SHE: variants seen among roughly 807,000 people sequenced by gnomAD.
SHE encodes Src homology 2 domain containing E.
In SHE, 11 loss-of-function variants were observed where a neutral mutation model predicts 49.8. The observed-to-expected ratio is 0.22, with a 90% CI of 0.14 to 0.37. SHE has a LOEUF of 0.37. SHE is among the 10% of genes least tolerant of loss of function. The pLI is 1.00. For synonymous variants in SHE, 310 were observed against 278.1 expected (o/e 1.11, Z -1.14); for missense variants, 624 against 655.5 (o/e 0.95, Z 0.52).
intron 3 of SHE, among the ~76,000 whole-genome samples, chr1:154,488,714 C>T (rs1464928574): frequency 6.6e-6 from 1 of 152,086 alleles, no homozygotes; most frequent in Non-Finnish European, 1.5e-5. Flanking sequence ...AGGCTGCCCA[C>T]TAGCTGGGAT....
intron 2 of SHE, among the ~76,000 whole-genome samples, chr1:154,493,687 A>T (rs1447597939): frequency 6.6e-6 from 1 of 152,240 alleles, no homozygotes; most frequent in Non-Finnish European, 1.5e-5. Flanking sequence ...TGAAAACACA[A>T]AAACAAGAAA....
chr1:154,489,296 G>T lies in SHE; in HGVS notation c.779C>A (p.Pro260His). ...LVKALQLLDSPCEPADGGLKS... is the reference protein window; with the variant it reads ...LVKALQLLDSHCEPADGGLKS... ...CAGGCCACCGTCTGCGGGTTCACAG[G>T]GACTGTCAAGCAGCTGGAGAGCCTT... is the stretch of plus-strand genomic sequence containing the variant. Residue 260 changes from proline (P) to histidine (H), a missense_variant, in exon 3 of 6, where the codon CCC (proline) becomes CAC (histidine). Pro to His is a moderately conservative substitution (Grantham distance 77). Coordinates refer to ENST00000304760, the MANE Select transcript of SHE (RefSeq NM_001010846.3). 1 of 1,614,216 alleles carries T rather than the reference G, an allele frequency of 6.2e-7. No homozygotes were observed. The highest frequency in any genetic ancestry group is 8.5e-7 in the Non-Finnish European group (1 of 1,180,036).
downstream of SHE, chr1:154,469,738 T>C (rs1046538674): frequency 6.6e-6 from 1 of 152,256 alleles, no homozygotes; most frequent in Non-Finnish European, 1.5e-5. Context: ...CATTACCAGG[T>C]GGTGGACAGG....
At chr1:154,471,029 CACA>C (rs147801926) in intron 1 of SHE, among the ~76,000 whole-genome samples, 2 of 14,192 alleles carry the variant, frequency 1.4e-4, no homozygotes, top group East Asian at 5.3e-3. Context: ...AAAAAAAAAA[CACA>C]AAAAAAAAAT....
In SHE at chr1:154,483,419, T is replaced by C. The variant is rs931132883; in HGVS notation, c.*730A>G. On this transcript the variant is annotated 3_prime_UTR_variant, in exon 6 of 6. Transcript: ENST00000304760. ...CATTTCCCCAATAACGAGTCCAATA[T>C]AACATCCTCTTCCAGTCTGCACCAT... 5 of 985,304 alleles carry C rather than the reference T, an allele frequency of 5.1e-6. No homozygotes were observed. Among genetic ancestry groups the C allele is most frequent in the African/African-American group, 1.7e-5 (1 of 57,232 alleles). 61.0% of individuals were successfully genotyped at this position (985,304 alleles called of 1,614,324 possible). A position where few individuals can be genotyped will look rare whatever the true frequency, so the allele number is the denominator to read the frequency against.
chr1:154,494,527 G>GTTTT (rs199901392), intron 2 of SHE, among the ~76,000 whole-genome samples: 2 of 126,408 alleles, frequency 1.6e-5, no homozygotes, highest in Non-Finnish European at 3.4e-5. Context: ...GGAGTTTATA[G>GTTTT]TTTTTTTTTT....
At chr1:154,470,152 CTT>C (rs1691707760) in exon 2 of SHE, 1 of 415,338 alleles carries the variant, frequency 2.4e-6, no homozygotes, top group Non-Finnish European at 4.4e-6. Flanking sequence ...ATGCTCTCCT[CTT>C]TGAGGCTGGT....
intron 3 of SHE, among the ~76,000 whole-genome samples, chr1:154,487,951 TC>T (rs1178463330): frequency 6.6e-6 from 1 of 150,780 alleles, no homozygotes; most frequent in African/African-American, 2.4e-5. Context: ...TTTTTTTTTT[TC>T]TTTTTGAGAT....
In SHE at chr1:154,483,171, G is replaced by A. The variant is rs1282774823; in HGVS notation, c.*978C>T. 3.0e-6 allele frequency: 3 copies of A among 985,142 alleles called. No individual in the cohort carries two copies. In the African/African-American group the frequency reaches 5.2e-5, roughly 17 times the overall value. 61.0% of individuals were successfully genotyped at this position (985,142 alleles called of 1,614,324 possible). A position where few individuals can be genotyped will look rare whatever the true frequency, so the allele number is the denominator to read the frequency against. On this transcript the variant is annotated 3_prime_UTR_variant, in exon 6 of 6. Coordinates refer to ENST00000304760, the MANE Select transcript of SHE (RefSeq NM_001010846.3). Reference sequence around the variant, plus strand: ...GATATTGGTGATTCTTAAACCTGGGGTATCTTCCTTCCTATTTATGCTTAT... The same window carrying A: ...GATATTGGTGATTCTTAAACCTGGGATATCTTCCTTCCTATTTATGCTTAT...
At chr1:154,500,340 G>A (rs909058552) in intron 1 of SHE, among the ~76,000 whole-genome samples, 8 of 152,128 alleles carry the variant, frequency 5.3e-5, no homozygotes, top group Non-Finnish European at 1.0e-4. Context: ...ATATGAGCTG[G>A]GTCCCCGTCC....
At chr1:154,487,738 T>C (rs577161808) in intron 3 of SHE, among the ~76,000 whole-genome samples, 1 of 150,144 alleles carries the variant, frequency 6.7e-6, no homozygotes, top group Non-Finnish European at 1.5e-5. Context: ...TAGTCCCAGC[T>C]CTTCGGGGGG....
intron 2 of SHE, among the ~76,000 whole-genome samples, chr1:154,498,240 G>A (rs1251344876): frequency 2.0e-5 from 3 of 151,418 alleles, no homozygotes; most frequent in Non-Finnish European, 2.9e-5. Context: ...TTACAGGCAT[G>A]CGCCACCATG....
In SHE at chr1:154,489,218, G is replaced by A. The variant is rs753926614; in HGVS notation, c.857C>T (p.Pro286Leu). The A allele has an allele frequency of 8.1e-6, 13 of 1,614,026 alleles. No homozygotes were observed. Among genetic ancestry groups the A allele is most frequent in the South Asian group, 5.5e-5 (5 of 91,084 alleles). The change falls in exon 3 of 6, where the codon CCG becomes CTG. Residue 286 changes from proline to leucine, a missense_variant. Physicochemically the swap from Pro to Leu is moderately conservative, Grantham distance 98 (BLOSUM62 -3). Transcript: ENST00000304760. ...GTAGGGAGTGTCGTATAGCTGTGGC[G>A]GCTTCCCCAGGAGGTCCTTGGAACT... ...RRSSKDLLGK[P>L]PQLYDTPYEP...
In SHE at chr1:154,502,030, C is replaced by G; in HGVS notation, c.-4G>C. The G allele has an allele frequency of 7.6e-7, 1 of 1,323,358 alleles. No homozygotes were observed. Among genetic ancestry groups the G allele is most frequent in the Non-Finnish European group, 9.6e-7 (1 of 1,042,536 alleles). The allele number at this position is 1,323,358 out of a possible 1,614,324, so 82.0% of individuals were successfully genotyped here. ...CAGGGGTCGGGGACCACTGCATTCC[C>G]CGTGACTGGGGCGCTGGAGGCCGCG... On this transcript the variant is annotated 5_prime_UTR_variant, in exon 1 of 6. Transcript: ENST00000304760.
At chr1:154,501,329 G>A in intron 1 of SHE, 107 bp downstream of exon 1, 2 of 1,030,484 alleles carry the variant, frequency 1.9e-6, no homozygotes, top group Non-Finnish European at 2.9e-6. Context: ...AAGGACCTTA[G>A]GAAACCTATC....
downstream of SHE, among the ~76,000 whole-genome samples, chr1:154,477,175 T>C (rs999201815): frequency 6.6e-6 from 1 of 152,192 alleles, no homozygotes; most frequent in Non-Finnish European, 1.5e-5. Flanking sequence ...GAGGTGGAGA[T>C]GGATACCGAA....
chr1:154,471,140 G>C (rs1201493961), intron 1 of SHE, among the ~76,000 whole-genome samples: 1 of 152,178 alleles, frequency 6.6e-6, no homozygotes, highest in Non-Finnish European at 1.5e-5. Context: ...CACAGGGTGA[G>C]GGGCCTGTTG....
chr1:154,485,187 A>T (rs1356360877), intron 5 of SHE: 1 of 152,134 alleles, frequency 6.6e-6, no homozygotes, highest in Non-Finnish European at 1.5e-5. Context: ...CACAAGCACC[A>T]ATTTCAGGAA....
chr1:154,494,778 G>T (rs1410634095), intron 2 of SHE, among the ~76,000 whole-genome samples: 2 of 152,164 alleles, frequency 1.3e-5, no homozygotes, highest in East Asian at 3.8e-4. Flanking sequence ...TTGCACGGTG[G>T]CTCACTTTGT....
Sources: allele counts gnomAD v4.1 joint callset (sites outside exome capture counted in the v4.1 genomes callset), GRCh38; gene constraint gnomAD v4.1.1; transcripts MANE v1.5; gene names NCBI Gene and HGNC (gene_info 2026-07-23, HGNC 2026-07-21).